FBXL20: variants seen among roughly 807,000 people sequenced by gnomAD.
FBXL20 encodes the protein F-box/LRR-repeat protein 20.
In FBXL20, 11 loss-of-function variants were observed where a neutral mutation model predicts 64.0. That is an observed-to-expected ratio of 0.17 (90% CI 0.11 to 0.28). The LOEUF (loss-of-function observed/expected upper bound fraction) is 0.28. Among genes scored for constraint, FBXL20 ranks in the 10% least tolerant of loss-of-function variants. The pLI is 1.00. For missense variants in FBXL20, 303 were observed against 526.2 expected (o/e 0.58, Z 4.15); for synonymous variants, 184 against 189.0 (o/e 0.97, Z 0.22).
chr17:39,294,332 G>A (rs1229012946), intron 6 of FBXL20, among the ~76,000 whole-genome samples: 1 of 151,818 alleles, frequency 6.6e-6, no homozygotes, highest in Non-Finnish European at 1.5e-5. Flanking sequence ...CTGGAGTGCA[G>A]TGAAACATAG....
rs2046712990 is a variant in FBXL20 at position 39,258,313 on chromosome 17, G to A, written c.*3147C>T. 6.6e-6 allele frequency: 1 copy of A among 152,192 alleles called. No individual in the cohort carries two copies. The highest frequency in any genetic ancestry group is 6.5e-5 in the Admixed American group (1 of 15,278). The allele number at this position is 152,192 out of a possible 1,614,324, so 9.4% of individuals were successfully genotyped here. A position where few individuals can be genotyped will look rare whatever the true frequency, so the allele number is the denominator to read the frequency against. ...ACCTGACCAAAACTTACCATGCTTTGTGTTCTCTCAAAGTCCTAGCATATT... is the reference window on the plus strand; with the variant it reads ...ACCTGACCAAAACTTACCATGCTTTATGTTCTCTCAAAGTCCTAGCATATT... On this transcript the variant is annotated 3_prime_UTR_variant, in exon 15 of 15. Transcript: ENST00000264658.
chr17:39,275,735 A>T (rs2046884209), intron 9 of FBXL20, among the ~76,000 whole-genome samples: 1 of 152,086 alleles, frequency 6.6e-6, no homozygotes, highest in Non-Finnish European at 1.5e-5. Context: ...AACCTAGAAA[A>T]AAGATAAGGA....
chr17:39,292,542 T>C (rs2047048924), intron 6 of FBXL20, among the ~76,000 whole-genome samples: 1 of 152,016 alleles, frequency 6.6e-6, no homozygotes, highest in Non-Finnish European at 1.5e-5. Context: ...TACAGGAGCA[T>C]ACCACCACAC....
At chr17:39,395,875 T>G (rs561441713) in intron 1 of FBXL20, among the ~76,000 whole-genome samples, 1 of 152,164 alleles carries the variant, frequency 6.6e-6, no homozygotes, top group East Asian at 1.9e-4. Flanking sequence ...AAAGGCTGGA[T>G]CCTGAGAGGC....
chr17:39,399,542 C>T (rs2048220315), intron 1 of FBXL20, among the ~76,000 whole-genome samples: 1 of 152,308 alleles, frequency 6.6e-6, no homozygotes, highest in Middle Eastern at 3.4e-3. Flanking sequence ...GAACACTTCA[C>T]ATCATATTAA....
chr17:39,326,687 A>G (rs1321750819), intron 2 of FBXL20, among the ~76,000 whole-genome samples: 1 of 151,436 alleles, frequency 6.6e-6, no homozygotes, highest in Non-Finnish European at 1.5e-5. Context: ...ATGCTATCAT[A>G]TACCTCACTG....
chr17:39,361,362 A>C (rs2047791936), intron 1 of FBXL20, among the ~76,000 whole-genome samples: 1 of 152,142 alleles, frequency 6.6e-6, no homozygotes, highest in Non-Finnish European at 1.5e-5. Context: ...AACTATGATA[A>C]AGTAACATGA....
chr17:39,342,412 TG>T (rs2047591466), intron 2 of FBXL20, among the ~76,000 whole-genome samples: 3 of 138,356 alleles, frequency 2.2e-5, no homozygotes, highest in Non-Finnish European at 4.7e-5. Flanking sequence ...TACATAAAAT[TG>T]AAAAAAAAAA....
At chr17:39,261,642 C>T in intron 14 of FBXL20, 75 bp from the exon 15 acceptor site, 1 of 1,092,944 alleles carries the variant, frequency 9.1e-7, no homozygotes, top group Non-Finnish European at 1.4e-6. Flanking sequence ...CTTAGAAAAA[C>T]TACCGAGGGG....
rs914951496 is a variant in FBXL20 at position 39,252,709 on chromosome 17, A to G, written c.*8751T>C. The G allele has an allele frequency of 3.3e-5, 5 of 151,888 alleles. No individual in the cohort carries two copies. 9.4% of individuals were successfully genotyped at this position (151,888 alleles called of 1,614,324 possible). Reference sequence around the variant, plus strand: ...TTACATCATAAAACAAAATTAGAACATACAAGAAACAATAATAGTTACATA... The same window carrying G: ...TTACATCATAAAACAAAATTAGAACGTACAAGAAACAATAATAGTTACATA... On this transcript the variant is annotated 3_prime_UTR_variant, in exon 15 of 15. Coordinates refer to ENST00000264658, the MANE Select transcript of FBXL20 (RefSeq NM_032875.3).
chr17:39,401,426 C>A lies in FBXL20; in HGVS notation c.-24G>T. On this transcript the variant is annotated 5_prime_UTR_variant, in exon 1 of 15. Transcript: ENST00000264658. ...ATGGGGCCGGCGGGTGCGGCCCGGGCCGGGCGCTGCGGCGAGCGGAGTGCA... is the reference window on the plus strand; with the variant it reads ...ATGGGGCCGGCGGGTGCGGCCCGGGACGGGCGCTGCGGCGAGCGGAGTGCA... 1 of 1,582,630 alleles carries A rather than the reference C, an allele frequency of 6.3e-7. No homozygotes were observed. The highest frequency in any genetic ancestry group is 2.4e-5 in the East Asian group (1 of 42,362).
At chr17:39,291,435 T>C (rs1034548337) in intron 6 of FBXL20, among the ~76,000 whole-genome samples, 4 of 143,012 alleles carry the variant, frequency 2.8e-5, no homozygotes, top group Non-Finnish European at 4.6e-5. Context: ...ACTTTTCTTT[T>C]TTTTTTTTTT....
At chr17:39,298,047 T>G (rs1488370786) in intron 5 of FBXL20, among the ~76,000 whole-genome samples, 1 of 152,110 alleles carries the variant, frequency 6.6e-6, no homozygotes, top group Non-Finnish European at 1.5e-5. Context: ...TAAATGAATT[T>G]TCCATTATAA....
chr17:39,289,147 G>A (rs1346259538), intron 6 of FBXL20, among the ~76,000 whole-genome samples: 1 of 152,108 alleles, frequency 6.6e-6, no homozygotes, highest in Non-Finnish European at 1.5e-5. Flanking sequence ...ACATTGCCCT[G>A]ATGAACGTTC....
intron 1 of FBXL20, among the ~76,000 whole-genome samples, chr17:39,346,565 C>T (rs1415784369): frequency 2.0e-5 from 3 of 151,800 alleles, no homozygotes; most frequent in African/African-American, 7.3e-5. Context: ...TTAACAGGGA[C>T]AGTGAAATGA....
intron 6 of FBXL20, among the ~76,000 whole-genome samples, chr17:39,286,729 C>A (rs1007567077): frequency 6.6e-6 from 1 of 150,954 alleles, no homozygotes; most frequent in African/African-American, 2.4e-5. Flanking sequence ...GCCCAGGAGG[C>A]GGAGGTTGCA....
chr17:39,333,806 G>A (rs951200650), intron 2 of FBXL20, among the ~76,000 whole-genome samples: 3 of 151,794 alleles, frequency 2.0e-5, no homozygotes, highest in African/African-American at 7.3e-5. Flanking sequence ...GACCCCGTCT[G>A]GGAACTGAGG....
At chr17:39,373,494 T>C (rs1051889108) in intron 1 of FBXL20, among the ~76,000 whole-genome samples, 3 of 152,194 alleles carry the variant, frequency 2.0e-5, no homozygotes, top group African/African-American at 7.2e-5. Flanking sequence ...GAAAACCAGA[T>C]CTTCCAACCT....
intron 1 of FBXL20, among the ~76,000 whole-genome samples, chr17:39,368,055 G>T (rs1366659756): frequency 6.6e-6 from 1 of 152,010 alleles, no homozygotes. Flanking sequence ...TGGGATTACA[G>T]GTGTGAGTCA....
Sources: allele counts gnomAD v4.1 joint callset (sites outside exome capture counted in the v4.1 genomes callset), GRCh38; gene constraint gnomAD v4.1.1; transcripts MANE v1.5; gene names NCBI Gene and HGNC (gene_info 2026-07-23, HGNC 2026-07-21).